LINGO2: variants seen among roughly 807,000 people sequenced by gnomAD.
LINGO2 encodes the protein leucine rich repeat and Ig domain containing 2.
A neutral mutation model predicts 30.6 loss-of-function variants in LINGO2; 14 were observed. The ratio of observed to expected loss-of-function variants is 0.46; its 90% confidence interval spans 0.30 to 0.72. LINGO2 has a LOEUF of 0.72. Ranked by LOEUF, LINGO2 falls within the 30% of genes least tolerant of loss-of-function variation. LINGO2 has a pLI of 0.07. For missense variants in LINGO2, 729 were observed against 751.7 expected (o/e 0.97, Z 0.35); for synonymous variants, 317 against 288.5 (o/e 1.10, Z -1.00).
intron 1 of LINGO2, among the ~76,000 whole-genome samples, chr9:28,540,716 T>C (rs978845651): frequency 1.3e-5 from 2 of 152,218 alleles, no homozygotes; most frequent in African/African-American, 2.4e-5. Flanking sequence ...ATAGGCGTGA[T>C]CATCACTCCA....
intron 4 of LINGO2, among the ~76,000 whole-genome samples, chr9:28,127,551 A>G (rs776311989): frequency 2.0e-5 from 3 of 152,356 alleles, no homozygotes; most frequent in South Asian, 4.1e-4. Flanking sequence ...GAATGTCACA[A>G]ATATGGGATT....
chr9:28,781,943 T>C, the LINGO2 span, among the ~76,000 whole-genome samples: 5 of 152,216 alleles, frequency 3.3e-5, no homozygotes, highest in Admixed American at 6.5e-5. Flanking sequence ...CTATACATTT[T>C]TAAACCAAGT....
the LINGO2 span, among the ~76,000 whole-genome samples, chr9:29,084,708 T>C: frequency 6.6e-6 from 1 of 152,070 alleles, no homozygotes; most frequent in East Asian, 1.9e-4. Context: ...TCATATCAAA[T>C]TTCCGCTTTT....
chr9:27,972,599 G>T (rs1326275848), intron 5 of LINGO2, among the ~76,000 whole-genome samples: 2 of 152,052 alleles, frequency 1.3e-5, no homozygotes, highest in Non-Finnish European at 2.9e-5. Context: ...ACAATCCCAG[G>T]TCTATTTACT....
At chr9:28,164,264 T>A (rs944014416) in intron 4 of LINGO2, among the ~76,000 whole-genome samples, 22 of 152,270 alleles carry the variant, frequency 1.4e-4, no homozygotes, top group African/African-American at 5.3e-4. Context: ...TATTGGATAT[T>A]TACAGATCAC....
chr9:28,749,040 T>A, the LINGO2 span, among the ~76,000 whole-genome samples: 1 of 151,984 alleles, frequency 6.6e-6, no homozygotes, highest in South Asian at 2.1e-4. Context: ...GCAAAAATAA[T>A]ATAATGTCTA....
chr9:29,211,549 C>T, the LINGO2 span, among the ~76,000 whole-genome samples: 7 of 148,524 alleles, frequency 4.7e-5, no homozygotes, highest in Non-Finnish European at 8.9e-5. Flanking sequence ...CCATGACTTC[C>T]TTCTCATCCT....
chr9:28,751,813 C>T, the LINGO2 span, among the ~76,000 whole-genome samples: 1 of 151,890 alleles, frequency 6.6e-6, no homozygotes, highest in African/African-American at 2.4e-5. Context: ...ATTGGCTCCA[C>T]CTGGCCATCA....
the LINGO2 span, among the ~76,000 whole-genome samples, chr9:28,969,060 A>G: frequency 0.041 from 6,272 of 152,278 alleles, 198 homozygotes; most frequent in Admixed American, 0.082. Flanking sequence ...GTAAGACAAA[A>G]TCATTAAAGA....
At chr9:29,065,576 T>G in the LINGO2 span, among the ~76,000 whole-genome samples, 2 of 152,064 alleles carry the variant, frequency 1.3e-5, no homozygotes, top group Non-Finnish European at 2.9e-5. Flanking sequence ...ATCAGATAGT[T>G]GTAGGTATGT....
chr9:28,100,501 C>A (rs1160804411), intron 4 of LINGO2, among the ~76,000 whole-genome samples: 1 of 152,114 alleles, frequency 6.6e-6, no homozygotes, highest in African/African-American at 2.4e-5. Context: ...TGATGAGGAA[C>A]TAAAAACTTG....
At chr9:28,019,456 C>G (rs746576214) in intron 4 of LINGO2, among the ~76,000 whole-genome samples, 1 of 151,874 alleles carries the variant, frequency 6.6e-6, no homozygotes, top group Non-Finnish European at 1.5e-5. Flanking sequence ...TTATGTGACT[C>G]TGGGGGAATA....
chr9:29,025,945 T>A, the LINGO2 span, among the ~76,000 whole-genome samples: 2 of 152,182 alleles, frequency 1.3e-5, no homozygotes, highest in Admixed American at 1.3e-4. Context: ...CCCAGGTTAA[T>A]CCATGTTGTT....
the LINGO2 span, among the ~76,000 whole-genome samples, chr9:28,883,636 A>G: frequency 0.25 from 5,861 of 23,852 alleles, 871 homozygotes; most frequent in African/African-American, 0.31. Flanking sequence ...GTGTATATAT[A>G]TATATATATA....
In LINGO2 at chr9:28,287,654, G is replaced by A. The variant is rs184078003; in HGVS notation, c.-87+7554C>T. Among the ~76,000 whole-genome samples the A allele has an allele frequency of 1.3e-3, 193 of 152,264 alleles. 1 individual carries two copies. Among genetic ancestry groups the A allele is most frequent in the African/African-American group, 4.3e-3 (179 of 41,552 alleles). ...GTGATGATAAAATGATGAAGGGAAG[G>A]ATAAAGCCAGAGAGAAAAAAGTCTC... On this transcript the variant is annotated intron_variant, in intron 4 of 5. Transcript: ENST00000379992.
the LINGO2 span, among the ~76,000 whole-genome samples, chr9:28,808,964 C>T: frequency 1.3e-5 from 2 of 152,128 alleles, no homozygotes; most frequent in Non-Finnish European, 2.9e-5. Context: ...GGCATCAAAT[C>T]CTCATTCTGT....
At chr9:29,018,327 T>C in the LINGO2 span, among the ~76,000 whole-genome samples, 1 of 151,572 alleles carries the variant, frequency 6.6e-6, no homozygotes, top group Non-Finnish European at 1.5e-5. Flanking sequence ...AAGGGGAGCA[T>C]GGGCTGTAAA....
chr9:29,033,356 G>C, the LINGO2 span, among the ~76,000 whole-genome samples: 1 of 140,490 alleles, frequency 7.1e-6, no homozygotes, highest in African/African-American at 2.6e-5. Flanking sequence ...TCAAATGTGT[G>C]ATTCTATATA....
chr9:28,727,061 C>T, the LINGO2 span, among the ~76,000 whole-genome samples: 9 of 152,160 alleles, frequency 5.9e-5, no homozygotes, highest in Non-Finnish European at 8.8e-5. Flanking sequence ...CTGCTAGACC[C>T]CTGACTAATG....
Sources: allele counts gnomAD v4.1 joint callset (sites outside exome capture counted in the v4.1 genomes callset), GRCh38; gene constraint gnomAD v4.1.1; transcripts MANE v1.5; gene names NCBI Gene and HGNC (gene_info 2026-07-23, HGNC 2026-07-21).